The following GRB10 variants were observed in gnomAD, a reference collection of about 807,000 sequenced individuals.
GRB10 encodes growth factor receptor-bound protein 10.
A neutral mutation model predicts 80.9 loss-of-function variants in GRB10; 20 were observed. That is an observed-to-expected ratio of 0.25 (90% confidence interval 0.17 to 0.36). GRB10 has a LOEUF of 0.36. GRB10 is among the 10% of genes least tolerant of loss of function. The pLI is 1.00. For synonymous variants in GRB10, 291 were observed against 291.5 expected (o/e 1.00, Z 0.02); for missense variants, 548 against 747.7 (o/e 0.73, Z 3.12).
intron 7 of GRB10, 145 bp from the exon 8 acceptor site, chr7:50,627,123 C>T: frequency 1.2e-6 from 1 of 803,050 alleles, no homozygotes. Context: ...AACAGGTCCC[C>T]ACCAGCTGCA....
chr7:50,749,130 G>GTTTTTTTT (rs71018483), intron 3 of GRB10, among the ~76,000 whole-genome samples: 8 of 139,552 alleles, frequency 5.7e-5, no homozygotes, highest in Admixed American at 1.5e-4. Context: ...TTGTTTTTTT[G>GTTTTTTTT]TTTGTTTTTT....
At chr7:50,688,521 A>T (rs2062381794) in intron 5 of GRB10, among the ~76,000 whole-genome samples, 1 of 152,214 alleles carries the variant, frequency 6.6e-6, no homozygotes, top group Non-Finnish European at 1.5e-5. Flanking sequence ...GGCAGCCCAT[A>T]GACAAAGGCC....
chr7:50,752,862 A>C (rs1298305898), intron 3 of GRB10, among the ~76,000 whole-genome samples: 1 of 152,222 alleles, frequency 6.6e-6, no homozygotes, highest in African/African-American at 2.4e-5. Context: ...ACAAGTAACC[A>C]AAAATGGGGA....
intron 5 of GRB10, among the ~76,000 whole-genome samples, chr7:50,694,034 G>A (rs567669037): frequency 6.6e-6 from 1 of 152,188 alleles, no homozygotes; most frequent in Non-Finnish European, 1.5e-5. Context: ...TGGGTGGGTG[G>A]GACCACTTCG....
chr7:50,643,862 G>C (rs1326228217), intron 7 of GRB10, among the ~76,000 whole-genome samples: 1 of 152,038 alleles, frequency 6.6e-6, no homozygotes, highest in East Asian at 1.9e-4. Flanking sequence ...GGGGAATCAG[G>C]GTAAAGAATA....
Position 50,591,398 on chromosome 7 carries a change from G to A in GRB10, c.*1554C>T, listed in dbSNP as rs2045830822. On this transcript the variant is annotated 3_prime_UTR_variant, in exon 19 of 19. Coordinates refer to ENST00000401949, the MANE Select transcript of GRB10 (RefSeq NM_001350814.2). Reference sequence around the variant, plus strand: ...GTTCCTTAGGGAACACTTCAGTGGGGCGGATTTGGGGCAATATCATGGCCA... The same window carrying A: ...GTTCCTTAGGGAACACTTCAGTGGGACGGATTTGGGGCAATATCATGGCCA... 6.6e-6 allele frequency: 1 copy of A among 152,266 alleles called. No individual in the cohort carries two copies. The highest frequency in any genetic ancestry group is 2.4e-5 in the African/African-American group (1 of 41,446). The allele number at this position is 152,266 out of a possible 1,614,324, so 9.4% of individuals were successfully genotyped here.
chr7:50,607,997 T>C (rs2048833687), intron 13 of GRB10, among the ~76,000 whole-genome samples: 1 of 152,102 alleles, frequency 6.6e-6, no homozygotes, highest in African/African-American at 2.4e-5. Context: ...TAAAAATACC[T>C]AGAACATGAT....
chr7:50,771,490 A>G (rs1419405477), intron 2 of GRB10, among the ~76,000 whole-genome samples: 2 of 152,202 alleles, frequency 1.3e-5, no homozygotes, highest in African/African-American at 4.8e-5. Context: ...TCATATGTCC[A>G]GTATTTCCAG....
chr7:50,742,200 T>C lies in GRB10; in HGVS notation c.-46-9832A>G, dbSNP rs184904084. On this transcript the variant is annotated intron_variant, in intron 3 of 18. Coordinates refer to ENST00000401949, the MANE Select transcript of GRB10 (RefSeq NM_001350814.2). ...GGAAAGAAAGATTCTGAAGCACCTG[T>C]TAATAACAGGCACTTGGCTCAGTGC... Among the ~76,000 whole-genome samples, 597 of 152,246 alleles carry C rather than the reference T, an allele frequency of 3.9e-3. 3 individuals are homozygous for C. The highest frequency in any genetic ancestry group is 0.014 in the African/African-American group (584 of 41,528).
At chr7:50,761,151 A>C (rs1377873857) in intron 2 of GRB10, among the ~76,000 whole-genome samples, 1 of 152,268 alleles carries the variant, frequency 6.6e-6, no homozygotes, top group East Asian at 1.9e-4. Context: ...TTATATGCCA[A>C]GGCCACACAG....
At chr7:50,664,593 C>T (rs563906442) in intron 7 of GRB10, among the ~76,000 whole-genome samples, 28 of 152,314 alleles carry the variant, frequency 1.8e-4, no homozygotes, top group African/African-American at 6.7e-4. Context: ...AGGCCAGCTC[C>T]AGGCACACTG....
At chr7:50,775,198 A>AAGAAC (rs1283169427) in intron 2 of GRB10, among the ~76,000 whole-genome samples, 1 of 151,004 alleles carries the variant, frequency 6.6e-6, no homozygotes, top group Non-Finnish European at 1.5e-5. Flanking sequence ...GGAACAGACA[A>AAGAAC]AGAACAGACA....
At chr7:50,646,022 C>G (rs1464728200) in intron 7 of GRB10, among the ~76,000 whole-genome samples, 1 of 152,218 alleles carries the variant, frequency 6.6e-6, no homozygotes, top group Non-Finnish European at 1.5e-5. Flanking sequence ...AACTTCTGCT[C>G]CAGCAATGAC....
chr7:50,626,709 G>T (rs1030719765), intron 8 of GRB10, 113 bp downstream of exon 8: 6 of 1,211,284 alleles, frequency 5.0e-6, no homozygotes, highest in Admixed American at 3.4e-5. Flanking sequence ...GAGACTGCCT[G>T]CTAATTTCGC....
intron 3 of GRB10, among the ~76,000 whole-genome samples, chr7:50,736,646 T>C (rs1305534661): frequency 2.6e-5 from 4 of 152,128 alleles, no homozygotes; most frequent in African/African-American, 9.7e-5. Context: ...TAGCCAGGCA[T>C]GGTCACGTGC....
chr7:50,715,742 A>C (rs759291349), intron 4 of GRB10, among the ~76,000 whole-genome samples: 1 of 152,244 alleles, frequency 6.6e-6, no homozygotes, highest in Non-Finnish European at 1.5e-5. Flanking sequence ...CCACGGTTAA[A>C]ATAATATCAT....
chr7:50,618,172 G>A (rs1235104088), intron 9 of GRB10, 33 bp from the exon 10 acceptor site: 1 of 1,540,294 alleles, frequency 6.5e-7, no homozygotes, highest in Non-Finnish European at 9.0e-7. Flanking sequence ...ATACGTAAAA[G>A]GTTAGCTTCA....
intron 2 of GRB10, chr7:50,779,629 G>A (rs1447240122): frequency 6.6e-6 from 1 of 152,040 alleles, no homozygotes; most frequent in Non-Finnish European, 1.5e-5. Context: ...CTTGTCAAAA[G>A]CCACCCAGAG....
chr7:50,608,322 T>C (rs1199335204), intron 13 of GRB10, among the ~76,000 whole-genome samples: 1 of 152,184 alleles, frequency 6.6e-6, no homozygotes, highest in Non-Finnish European at 1.5e-5. Flanking sequence ...AGTGGGAAGA[T>C]GCAGAAGAGA....
Sources: gnomAD v4.1 joint callset for allele counts (sites outside exome capture counted in the v4.1 genomes callset) on GRCh38, gnomAD v4.1.1 for gene constraint, MANE v1.5 for transcripts, NCBI Gene and HGNC (gene_info 2026-07-23, HGNC 2026-07-21) for gene names.